The following HECW2 variants were observed in gnomAD, a reference collection of about 807,000 sequenced individuals.
HECW2 encodes E3 ubiquitin-protein ligase HECW2.
A neutral mutation model predicts 175.2 loss-of-function variants in HECW2; 61 were observed. The ratio of observed to expected loss-of-function variants is 0.35; its 90% CI spans 0.28 to 0.43. HECW2 has a LOEUF of 0.43. HECW2 is among the 20% of genes least tolerant of loss of function. HECW2 has a pLI of 1.00. For missense variants in HECW2, 1,524 were observed against 2,000.5 expected (o/e 0.76, Z 4.54); for synonymous variants, 671 against 731.0 (o/e 0.92, Z 1.32).
chr2:196,394,657 A>G (rs568944919), intron 2 of HECW2, among the ~76,000 whole-genome samples: 1 of 152,324 alleles, frequency 6.6e-6, no homozygotes, highest in Admixed American at 6.5e-5. Flanking sequence ...GATTTGTATG[A>G]TTCTAAAGTT....
At chr2:196,526,935 G>T (rs1688676220) in intron 1 of HECW2, among the ~76,000 whole-genome samples, 2 of 151,988 alleles carry the variant, frequency 1.3e-5, no homozygotes, top group African/African-American at 4.8e-5. Flanking sequence ...CTTTTTGTTT[G>T]TCTGTGCCCT....
chr2:196,266,303 C>T (rs572110755), intron 17 of HECW2, among the ~76,000 whole-genome samples: 88 of 151,326 alleles, frequency 5.8e-4, no homozygotes, highest in Non-Finnish European at 7.8e-4. Context: ...GCTGTGATCG[C>T]GACACTACAC....
chr2:196,317,074 C>T, intron 10 of HECW2, 200 bp downstream of exon 10: 1 of 510,676 alleles, frequency 2.0e-6, no homozygotes. Context: ...TACAGCTGCC[C>T]TTTCTTTCAG....
intron 17 of HECW2, among the ~76,000 whole-genome samples, chr2:196,270,429 C>A (rs1048134673): frequency 6.6e-6 from 1 of 152,168 alleles, no homozygotes; most frequent in African/African-American, 2.4e-5. Flanking sequence ...AGGGCTCATG[C>A]AAGGTGAGGC....
chr2:196,373,446 C>A (rs1443618645), intron 2 of HECW2, among the ~76,000 whole-genome samples: 2 of 152,186 alleles, frequency 1.3e-5, no homozygotes, highest in Non-Finnish European at 2.9e-5. Context: ...TTTGTAAAAG[C>A]AGATGGCATT....
intron 21 of HECW2, among the ~76,000 whole-genome samples, chr2:196,232,744 T>C (rs1212309262): frequency 1.3e-5 from 2 of 152,220 alleles, no homozygotes; most frequent in African/African-American, 4.8e-5. Context: ...TCCCTTTTTA[T>C]GATGATAGCT....
At chr2:196,230,131 G>A (rs1444938900) in intron 21 of HECW2, among the ~76,000 whole-genome samples, 1 of 152,136 alleles carries the variant, frequency 6.6e-6, no homozygotes, top group Non-Finnish European at 1.5e-5. Context: ...CTAACAGGTG[G>A]CTCCCAGGAT....
At chr2:196,249,263 T>C (rs1483204564) in intron 19 of HECW2, among the ~76,000 whole-genome samples, 1 of 152,212 alleles carries the variant, frequency 6.6e-6, no homozygotes, top group Non-Finnish European at 1.5e-5. Flanking sequence ...ACATGGTGTT[T>C]GGAAAGATCT....
At chr2:196,320,551 C>A (rs1691904273) in intron 7 of HECW2, 112 bp from the exon 8 acceptor site, 1 of 614,832 alleles carries the variant, frequency 1.6e-6, no homozygotes, top group South Asian at 2.1e-5. Context: ...CTTTCAGACT[C>A]ACAAGAACAT....
intron 1 of HECW2, among the ~76,000 whole-genome samples, chr2:196,517,274 T>C (rs957703722): frequency 6.6e-6 from 1 of 152,238 alleles, no homozygotes; most frequent in African/African-American, 2.4e-5. Context: ...TGTTAATTCC[T>C]TATGAGGGTT....
At chr2:196,552,585 T>C (rs1023871397) in intron 1 of HECW2, among the ~76,000 whole-genome samples, 2 of 152,182 alleles carry the variant, frequency 1.3e-5, no homozygotes, top group Non-Finnish European at 1.5e-5. Context: ...TCTTTTATTG[T>C]TCCCTAAATC....
chr2:196,228,024 G>A, intron 22 of HECW2, 78 bp downstream of exon 22: 1 of 1,319,914 alleles, frequency 7.6e-7, no homozygotes. Context: ...ATGTTTTAAT[G>A]TTTAAATGTG....
At chr2:196,356,298 G>T (rs1187368656) in intron 2 of HECW2, among the ~76,000 whole-genome samples, 1 of 152,170 alleles carries the variant, frequency 6.6e-6, no homozygotes, top group Admixed American at 6.5e-5. Flanking sequence ...TAAGAAATTT[G>T]TCTAGGATGA....
intron 13 of HECW2, among the ~76,000 whole-genome samples, chr2:196,298,322 G>A (rs1690895198): frequency 1.3e-5 from 2 of 151,806 alleles, no homozygotes; most frequent in Non-Finnish European, 2.9e-5. Flanking sequence ...GAGGGCAGTA[G>A]AATAATTCCT....
rs577972074 is a variant in HECW2 at position 196,206,062 on chromosome 2, C to T, written c.4608-4674G>A. Among the ~76,000 whole-genome samples, 33 of 152,290 alleles carry T rather than the reference C, an allele frequency of 2.2e-4. No homozygotes were observed. The South Asian group carries it at 6.8e-3, about 32-fold the overall frequency. ...GGCTTTTCACACCCCCACTCCCACC[C>T]CATTCCATGTCCTAAGAAAACTTTA... On this transcript the variant is annotated intron_variant, in intron 28 of 28. Transcript: ENST00000644978.
chr2:196,294,828 G>A (rs1048668620), intron 13 of HECW2, among the ~76,000 whole-genome samples: 2 of 152,146 alleles, frequency 1.3e-5, no homozygotes. Context: ...CTGGCTCTCT[G>A]GGTCCCTGAG....
chr2:196,293,379 C>T (rs146058701), intron 13 of HECW2, among the ~76,000 whole-genome samples: 57 of 152,294 alleles, frequency 3.7e-4, no homozygotes, highest in African/African-American at 1.2e-3. Flanking sequence ...ATATATGCTA[C>T]ATTTTCTTTA....
At chr2:196,507,967 T>C (rs999495282) in intron 1 of HECW2, among the ~76,000 whole-genome samples, 1 of 152,218 alleles carries the variant, frequency 6.6e-6, no homozygotes, top group Admixed American at 6.5e-5. Context: ...CCCAATATGC[T>C]CTGGAAGCAG....
rs2105738459 is a variant in HECW2 at position 196,196,144 on chromosome 2, A to C, written c.*5133T>G. ...CACACACACGGTCATCCTTCCTGAC[A>C]GCTCCTCGGAATGCAGTTACCACTC... is the stretch of plus-strand genomic sequence containing the variant. On this transcript the variant is annotated 3_prime_UTR_variant, in exon 29 of 29. Coordinates refer to ENST00000644978, the MANE Select transcript of HECW2 (RefSeq NM_001348768.2). The C allele has an allele frequency of 6.6e-6, 1 of 152,360 alleles. No homozygotes were observed. The highest frequency in any genetic ancestry group is 1.9e-4 in the East Asian group (1 of 5,188). The allele number at this position is 152,360 out of a possible 1,614,324, so 9.4% of individuals were successfully genotyped here. A position where few individuals can be genotyped will look rare whatever the true frequency, so the allele number is the denominator to read the frequency against.
Sources: allele counts gnomAD v4.1 joint callset (sites outside exome capture counted in the v4.1 genomes callset), GRCh38; gene constraint gnomAD v4.1.1; transcripts MANE v1.5; gene names NCBI Gene and HGNC (gene_info 2026-07-23, HGNC 2026-07-21).